Variants in KIAA0319L observed in about 807,000 individuals in gnomAD.
KIAA0319L encodes the protein KIAA0319 like, also known as dyslexia-associated protein KIAA0319-like protein.
Under a neutral mutation model 120.1 loss-of-function variants are expected in KIAA0319L, and 55 were observed. The ratio of observed to expected loss-of-function variants is 0.46; its 90% CI spans 0.37 to 0.57. The LOEUF is 0.57. Ranked by LOEUF, KIAA0319L falls within the 20% of genes least tolerant of loss-of-function variation. The probability of loss-of-function intolerance (pLI) is 0.00; values close to 1 mark genes in which losing one functional copy is unlikely to be tolerated. For synonymous variants in KIAA0319L, 398 were observed against 471.9 expected, an observed-to-expected ratio of 0.84 and a Z score of 2.03; for missense variants, 1,049 against 1,255.3, an observed-to-expected ratio of 0.84 and a Z score of 2.48.
intron 3 of KIAA0319L, among the ~76,000 whole-genome samples, chr1:35,487,213 C>T (rs371069155): frequency 6.6e-6 from 1 of 152,024 alleles, no homozygotes; most frequent in African/African-American, 2.4e-5. Context: ...AGACTTTGCT[C>T]CTTACAGTGT....
chr1:35,522,931 A>G (rs1241476094), intron 2 of KIAA0319L, among the ~76,000 whole-genome samples: 1 of 150,770 alleles, frequency 6.6e-6, no homozygotes, highest in Non-Finnish European at 1.5e-5. Flanking sequence ...AGGCAGGAGA[A>G]TCGCTTGAAT....
intron 1 of KIAA0319L, chr1:35,556,921 G>C (rs928319272): frequency 2.0e-5 from 3 of 152,338 alleles, no homozygotes; most frequent in Non-Finnish European, 2.9e-5. Context: ...AGAGGTCGAA[G>C]GTGGAAGAAG....
At position 35,495,570 on chromosome 1, in the gene KIAA0319L, G is replaced by A. The variant is rs769203385; in HGVS notation, c.666+11042C>T. On this transcript the variant is annotated intron_variant, in intron 3 of 20. Transcript: ENST00000325722. ...CTGGGAGAGAATATTTGCAAATCAC[G>A]TATCTGAGAAAGAGCTTGTATGCAG... is the stretch of plus-strand genomic sequence containing the variant. 2.6e-5 allele frequency among the ~76,000 whole-genome samples: 4 copies of A among 152,084 alleles called. No individual in the cohort carries two copies. The East Asian group carries it at 5.8e-4, about 22-fold the overall frequency.
chr1:35,489,204 T>C (rs1246133545), intron 3 of KIAA0319L, among the ~76,000 whole-genome samples: 2 of 150,928 alleles, frequency 1.3e-5, no homozygotes, highest in African/African-American at 4.9e-5. Context: ...TGCCACAAGG[T>C]AAAAAAACAA....
Position 35,453,149 on chromosome 1 carries a change from G to T in KIAA0319L, c.1913+408C>A, listed in dbSNP as rs1292157287. Among the ~76,000 whole-genome samples the T allele has an allele frequency of 6.6e-6, 1 of 152,130 alleles. No homozygotes were observed. Among genetic ancestry groups the T allele is most frequent in the Non-Finnish European group, 1.5e-5 (1 of 68,022 alleles). On this transcript the variant is annotated intron_variant, in intron 12 of 20. Coordinates refer to ENST00000325722, the MANE Select transcript of KIAA0319L (RefSeq NM_024874.5). This position sits in a 1 kb window ranked among gnomAD's most constrained non-coding sequence, Gnocchi z 4.1. The stretch of plus-strand genomic sequence containing the variant: ...TAACAGAGTAATGCTTTCATTTTAT[G>T]GATGTATTTTCAATTTCTCTTAATA...
At chr1:35,505,038 A>G (rs954844521) in intron 3 of KIAA0319L, among the ~76,000 whole-genome samples, 4 of 151,880 alleles carry the variant, frequency 2.6e-5, no homozygotes, top group African/African-American at 9.7e-5. Flanking sequence ...ATCAGCTTAA[A>G]CTTTCTTTCT....
intron 20 of KIAA0319L, 159 bp downstream of exon 20, chr1:35,440,888 C>T: frequency 1.4e-6 from 1 of 707,416 alleles, no homozygotes; most frequent in Non-Finnish European, 2.6e-6. Context: ...CAGTGCAGCT[C>T]AGGGCAAATC....
chr1:35,481,965 C>T (rs969904620), intron 3 of KIAA0319L, among the ~76,000 whole-genome samples: 10 of 151,866 alleles, frequency 6.6e-5, no homozygotes, highest in Admixed American at 5.2e-4. Context: ...GCTGGGACTA[C>T]AGGCGCCCGC....
At chr1:35,504,851 C>T (rs1645151376) in intron 3 of KIAA0319L, among the ~76,000 whole-genome samples, 2 of 152,264 alleles carry the variant, frequency 1.3e-5, no homozygotes, top group Non-Finnish European at 2.9e-5. Context: ...TTCTGCATAC[C>T]TCTCAAGACT....
At chr1:35,549,336 G>A (rs1647110614) in intron 2 of KIAA0319L, among the ~76,000 whole-genome samples, 1 of 152,040 alleles carries the variant, frequency 6.6e-6, no homozygotes, top group South Asian at 2.1e-4. Context: ...AATGCACCTG[G>A]CCTCTACCTT....
In KIAA0319L at chr1:35,449,882, C is replaced by T. The variant is rs756559400; in HGVS notation, c.2338G>A (p.Val780Met). The T allele has an allele frequency of 6.2e-7, 1 of 1,614,140 alleles. No homozygotes were observed. The highest frequency in any genetic ancestry group is 8.5e-7 in the Non-Finnish European group (1 of 1,180,006). ...ATGAACTCACCAGGTTTCACCTCCA[C>T]AGTGGTCCGGTCTGTGTCACTCTCA... is the stretch of plus-strand genomic sequence containing the variant. ...KGESDTDRTT[V>M]EVKPDPRKNN... is the part of the protein sequence containing the mutation. Residue 780 changes from valine to methionine, a missense_variant, in exon 15 of 21, where the codon GTG (valine) becomes ATG (methionine). Transcript: ENST00000325722.
chr1:35,510,965 A>T (rs1645418001), intron 2 of KIAA0319L: 1 of 152,234 alleles, frequency 6.6e-6, no homozygotes. Context: ...AGATAACTCA[A>T]CTTTGTTGGA....
rs930893732 is a variant in KIAA0319L at position 35,506,561 on chromosome 1, T to C, written c.666+51A>G. 2.6e-6 allele frequency: 4 copies of C among 1,531,204 alleles called. No individual in the cohort carries two copies. Among genetic ancestry groups the C allele is most frequent in the African/African-American group, 1.4e-5 (1 of 73,078 alleles). 94.9% of individuals were successfully genotyped at this position (1,531,204 alleles called of 1,614,324 possible). A position where few individuals can be genotyped will look rare whatever the true frequency, so the allele number is the denominator to read the frequency against. ...AGCTTCATTGCTCATATATACCAAA[T>C]GTAAGAGCAGATTTAACCATTTCTC... On this transcript the variant is annotated intron_variant, in intron 3 of 20. Transcript: ENST00000325722. This position sits in a 1 kb window ranked among gnomAD's most constrained non-coding sequence, Gnocchi z 4.0.
chr1:35,512,312 T>C (rs375353106), intron 2 of KIAA0319L, among the ~76,000 whole-genome samples: 2 of 77,868 alleles, frequency 2.6e-5, no homozygotes, highest in Non-Finnish European at 2.4e-5. Context: ...TCTGGAAAAA[T>C]AAAAGCCAAA....
chr1:35,470,980 A>C lies in KIAA0319L; in HGVS notation c.1016-20T>G, dbSNP rs767715273. On this transcript the variant is annotated intron_variant, in intron 5 of 20. Coordinates refer to ENST00000325722, the MANE Select transcript of KIAA0319L (RefSeq NM_024874.5). ...TTTCTCCTATAGAAGGGCAGTTACAAAAATCATGAAAACACACACCAACAC... is the reference window on the plus strand; with the variant it reads ...TTTCTCCTATAGAAGGGCAGTTACACAAATCATGAAAACACACACCAACAC... The C allele has an allele frequency of 1.4e-6, 2 of 1,393,536 alleles. No individual in the cohort carries two copies. The highest frequency in any genetic ancestry group is 2.3e-5 in the East Asian group (1 of 43,706). 86.3% of individuals were successfully genotyped at this position (1,393,536 alleles called of 1,614,324 possible). A position where few individuals can be genotyped will look rare whatever the true frequency, so the allele number is the denominator to read the frequency against.
intron 3 of KIAA0319L, among the ~76,000 whole-genome samples, chr1:35,487,566 G>A (rs1268186219): frequency 6.6e-6 from 1 of 152,204 alleles, no homozygotes; most frequent in Non-Finnish European, 1.5e-5. Context: ...AGGTCTGCCT[G>A]TGTAACTGAT....
chr1:35,536,703 C>T (rs1408774466), intron 2 of KIAA0319L, among the ~76,000 whole-genome samples: 2 of 152,218 alleles, frequency 1.3e-5, no homozygotes, highest in Non-Finnish European at 2.9e-5. Context: ...AAAGACCCAT[C>T]TGCCAAGGTT....
At chr1:35,485,314 AT>A (rs941692593) in intron 3 of KIAA0319L, among the ~76,000 whole-genome samples, 1 of 150,658 alleles carries the variant, frequency 6.6e-6, no homozygotes, top group African/African-American at 2.4e-5. Flanking sequence ...TCTTGTTTTT[AT>A]TTTAGCCTGG....
intron 13 of KIAA0319L, 82 bp downstream of exon 13, chr1:35,451,546 T>A: frequency 2.9e-6 from 4 of 1,383,902 alleles, no homozygotes; most frequent in Non-Finnish European, 4.0e-6. Flanking sequence ...CTAATCAATT[T>A]CTGCAGGCAA....
Sources: gnomAD v4.1 joint callset for allele counts (sites outside exome capture counted in the v4.1 genomes callset) on GRCh38, gnomAD v4.1.1 for gene constraint, Gnocchi (gnomAD v3.1) non-coding constraint, MANE v1.5 for transcripts, NCBI Gene and HGNC (gene_info 2026-07-23, HGNC 2026-07-21) for gene names.